The following FGF12 variants were observed in gnomAD, a reference collection of about 807,000 sequenced individuals.
FGF12 encodes the protein fibroblast growth factor 12.
Under a neutral mutation model 23.6 loss-of-function variants are expected in FGF12, and 14 were observed. The observed-to-expected ratio is 0.59, with a 90% CI of 0.39 to 0.93. The LOEUF (loss-of-function observed/expected upper bound fraction) is 0.93. FGF12 is among the 40% of genes least tolerant of loss of function. The probability of loss-of-function intolerance (pLI) is 0.00; values close to 1 mark genes in which losing one functional copy is unlikely to be tolerated. For synonymous variants in FGF12, 62 were observed against 77.3 expected (o/e 0.80, Z 1.04); for missense variants, 175 against 217.8 (o/e 0.80, Z 1.24).
intron 2 of FGF12, among the ~76,000 whole-genome samples, chr3:192,528,345 G>C (rs1725004390): frequency 6.6e-6 from 1 of 152,162 alleles, no homozygotes; most frequent in East Asian, 1.9e-4. Context: ...GATCTCCTTT[G>C]ACTCCATGTC....
intron 2 of FGF12, among the ~76,000 whole-genome samples, chr3:192,428,241 T>C (rs1415904629): frequency 1.3e-5 from 2 of 152,206 alleles, no homozygotes; most frequent in Non-Finnish European, 2.9e-5. Flanking sequence ...CTATCTCCTC[T>C]ACTCGACCAT....
At chr3:192,548,668 T>C (rs1185948982) in intron 2 of FGF12, among the ~76,000 whole-genome samples, 1 of 152,174 alleles carries the variant, frequency 6.6e-6, no homozygotes, top group African/African-American at 2.4e-5. Flanking sequence ...ATTCCAGTGA[T>C]AGCTATTCTC....
chr3:192,622,358 G>T (rs1449232094), intron 2 of FGF12, among the ~76,000 whole-genome samples: 1 of 152,156 alleles, frequency 6.6e-6, no homozygotes, highest in Non-Finnish European at 1.5e-5. Flanking sequence ...AGAATGCCCT[G>T]AGCAGAAACC....
intron 4 of FGF12, among the ~76,000 whole-genome samples, chr3:192,272,292 T>C (rs1300244720): frequency 6.6e-6 from 1 of 152,176 alleles, no homozygotes; most frequent in Admixed American, 6.5e-5. Flanking sequence ...GCTCATTTCG[T>C]TTCAAGCCTA....
chr3:192,312,906 C>T, intron 4 of FGF12, among the ~76,000 whole-genome samples: 1 of 152,076 alleles, frequency 6.6e-6, no homozygotes, highest in Non-Finnish European at 1.5e-5. Context: ...TATAATATAA[C>T]TTGGTACATG....
At chr3:192,158,951 T>G (rs988257039) in intron 5 of FGF12, among the ~76,000 whole-genome samples, 2 of 152,000 alleles carry the variant, frequency 1.3e-5, no homozygotes, top group Non-Finnish European at 2.9e-5. Context: ...TTCTACTCAG[T>G]GTTCTTTGGT....
Position 192,512,838 on chromosome 3 carries a change from AT to A in FGF12, c.14-152301del, listed in dbSNP as rs1479680486. ...AAACCTAGAGTATACTCAAATAAAT[AT>A]ATATATATATATATATATATAACAG... On this transcript the variant is annotated intron_variant, in intron 2 of 5. Transcript: ENST00000445105. Among the ~76,000 whole-genome samples, 156 of 113,098 alleles carry A rather than the reference AT, an allele frequency of 1.4e-3. 14 individuals carry two copies. The highest frequency in any genetic ancestry group is 4.7e-3 in the Middle Eastern group (1 of 212). 74.2% of individuals were successfully genotyped at this position (113,098 alleles called of 152,430 possible). A position where few individuals can be genotyped will look rare whatever the true frequency, so the allele number is the denominator to read the frequency against.
At chr3:192,468,649 T>C (rs1723076267) in intron 2 of FGF12, among the ~76,000 whole-genome samples, 1 of 152,206 alleles carries the variant, frequency 6.6e-6, no homozygotes, top group Non-Finnish European at 1.5e-5. Context: ...TGATTAACTT[T>C]GATCACTTGG....
intron 5 of FGF12, among the ~76,000 whole-genome samples, chr3:192,160,213 G>T (rs1220781334): frequency 6.6e-6 from 1 of 152,064 alleles, no homozygotes; most frequent in Non-Finnish European, 1.5e-5. Flanking sequence ...CTGCAATTCT[G>T]CTCAAAATCT....
chr3:192,530,704 T>G (rs1371222644), intron 2 of FGF12, among the ~76,000 whole-genome samples: 1 of 152,198 alleles, frequency 6.6e-6, no homozygotes, highest in Non-Finnish European at 1.5e-5. Context: ...TTTTCTGAGG[T>G]GATGAAAGTG....
chr3:192,245,020 C>T (rs1212305296), intron 4 of FGF12: 1 of 151,814 alleles, frequency 6.6e-6, no homozygotes, highest in African/African-American at 2.4e-5. Context: ...AAGTGTGAGC[C>T]TCAGAAACAA....
intron 2 of FGF12, among the ~76,000 whole-genome samples, chr3:192,555,492 G>C (rs1208555272): frequency 2.0e-5 from 3 of 151,988 alleles, no homozygotes; most frequent in African/African-American, 7.3e-5. Flanking sequence ...AATATAAAAA[G>C]ATGTAATTGT....
At chr3:192,539,504 A>G (rs79515820) in intron 2 of FGF12, among the ~76,000 whole-genome samples, 290 of 152,210 alleles carry the variant, frequency 1.9e-3, no homozygotes, top group African/African-American at 6.7e-3. Context: ...CTTGGTCATG[A>G]TGAATGATCT....
intron 2 of FGF12, among the ~76,000 whole-genome samples, chr3:192,665,216 G>C (rs1011912961): frequency 6.6e-6 from 1 of 152,118 alleles, no homozygotes; most frequent in African/African-American, 2.4e-5. Context: ...AAATAAATTA[G>C]ACACAGTTGC....
At chr3:192,284,533 G>C (rs886651226) in intron 4 of FGF12, among the ~76,000 whole-genome samples, 1 of 151,960 alleles carries the variant, frequency 6.6e-6, no homozygotes, top group Non-Finnish European at 1.5e-5. Flanking sequence ...AGAAGGGAGA[G>C]GAGATTTTCA....
intron 2 of FGF12, among the ~76,000 whole-genome samples, chr3:192,702,357 C>T (rs903465966): frequency 1.3e-5 from 2 of 152,158 alleles, no homozygotes; most frequent in African/African-American, 4.8e-5. Flanking sequence ...GCTTTGTGAT[C>T]ACAAACAAAT....
chr3:192,640,527 T>C (rs1019379615), intron 2 of FGF12, among the ~76,000 whole-genome samples: 1 of 152,136 alleles, frequency 6.6e-6, no homozygotes, highest in African/African-American at 2.4e-5. Flanking sequence ...AGAAAGCTGC[T>C]AAGAGGTCAT....
intron 4 of FGF12, among the ~76,000 whole-genome samples, chr3:192,217,587 T>C (rs143447252): frequency 3.1e-4 from 47 of 152,344 alleles, no homozygotes; most frequent in Non-Finnish European, 4.1e-4. Context: ...CTCTTTGCCA[T>C]CATGTCAATA....
chr3:192,423,079 CCTGTAATAGCATAGCAT>C (rs1252362893), intron 2 of FGF12, among the ~76,000 whole-genome samples: 4 of 152,068 alleles, frequency 2.6e-5, no homozygotes, highest in Non-Finnish European at 5.9e-5. Flanking sequence ...CTAACTGAGC[CCTGTAATAGCATAGCAT>C]CTCACTTCTA....
Sources: gnomAD v4.1 joint callset for allele counts (sites outside exome capture counted in the v4.1 genomes callset) on GRCh38, gnomAD v4.1.1 for gene constraint, MANE v1.5 for transcripts, NCBI Gene and HGNC (gene_info 2026-07-23, HGNC 2026-07-21) for gene names.